Variants in AGBL1 observed in about 807,000 individuals in gnomAD.
AGBL1 encodes the protein AGBL carboxypeptidase 1, also known as cytosolic carboxypeptidase 4.
Under a neutral mutation model 118.9 loss-of-function variants are expected in AGBL1, and 130 were observed. The ratio of observed to expected loss-of-function variants is 1.09; its 90% CI spans 0.95 to 1.26. AGBL1 has a LOEUF of 1.26. Ranked by LOEUF, AGBL1 falls within the 50% of genes most tolerant of loss-of-function variation. The pLI is 0.00. For missense variants in AGBL1, 1,584 were observed against 1,298.1 expected (o/e 1.22, Z -3.38); for synonymous variants, 555 against 478.9 (o/e 1.16, Z -2.08).
intron 24 of AGBL1, among the ~76,000 whole-genome samples, chr15:87,012,266 TAA>T (rs34208061): frequency 6.7e-6 from 1 of 149,088 alleles, no homozygotes; most frequent in Admixed American, 6.7e-5. Flanking sequence ...CAAGCTAGGT[TAA>T]AAAAAAAATC....
intron 18 of AGBL1, among the ~76,000 whole-genome samples, chr15:86,454,067 C>T (rs1317138086): frequency 2.0e-5 from 3 of 152,108 alleles, no homozygotes; most frequent in East Asian, 1.9e-4. Context: ...CTCTTCACTA[C>T]GTATGGAAGA....
intron 22 of AGBL1, among the ~76,000 whole-genome samples, chr15:86,885,918 T>C (rs2079963043): frequency 6.6e-6 from 1 of 152,208 alleles, no homozygotes; most frequent in Non-Finnish European, 1.5e-5. Flanking sequence ...TAAAGAATTC[T>C]TTTAGTCTGT....
intron 17 of AGBL1, among the ~76,000 whole-genome samples, chr15:86,325,648 G>A (rs191332030): frequency 7.2e-5 from 11 of 152,192 alleles, no homozygotes; most frequent in East Asian, 3.9e-4. Flanking sequence ...AATATCTGCC[G>A]GCACAGCCAT....
At chr15:86,390,659 G>GGTTTTTTTTTTT (rs1596055668) in intron 17 of AGBL1, among the ~76,000 whole-genome samples, 1 of 82,048 alleles carries the variant, frequency 1.2e-5, no homozygotes, top group Non-Finnish European at 2.2e-5. Context: ...TATACTGTAT[G>GGTTTTTTTTTTT]ATTTTTTTTT....
intron 24 of AGBL1, among the ~76,000 whole-genome samples, chr15:87,027,487 GATGTATTATGCATTATATA>G (rs2081743104): frequency 1.5e-5 from 2 of 135,864 alleles, no homozygotes; most frequent in African/African-American, 5.7e-5. Context: ...ACATTATATA[GATGTATTATGCATTATATA>G]ATACATTATA....
chr15:86,413,667 T>A (rs890793057), intron 18 of AGBL1, among the ~76,000 whole-genome samples: 1 of 152,198 alleles, frequency 6.6e-6, no homozygotes, highest in Non-Finnish European at 1.5e-5. Context: ...CATTTGTATA[T>A]CTTCTTTTGA....
At chr15:86,505,716 C>T (rs1158423675) in intron 18 of AGBL1, among the ~76,000 whole-genome samples, 2 of 151,642 alleles carry the variant, frequency 1.3e-5, no homozygotes, top group South Asian at 2.1e-4. Context: ...TTTTTAGTTC[C>T]TTAAACATAT....
chr15:86,363,216 G>A (rs564018139), intron 17 of AGBL1, among the ~76,000 whole-genome samples: 4 of 152,144 alleles, frequency 2.6e-5, no homozygotes, highest in Non-Finnish European at 4.4e-5. Flanking sequence ...TTTTGTCTGC[G>A]GGGAATGATT....
At chr15:86,350,231 T>C (rs1845580582) in intron 17 of AGBL1, among the ~76,000 whole-genome samples, 1 of 152,216 alleles carries the variant, frequency 6.6e-6, no homozygotes, top group Non-Finnish European at 1.5e-5. Context: ...AGGTGGCAAT[T>C]GCTATTCTCA....
At chr15:86,445,963 C>T (rs1286220394) in intron 18 of AGBL1, among the ~76,000 whole-genome samples, 2 of 152,116 alleles carry the variant, frequency 1.3e-5, no homozygotes, top group African/African-American at 2.4e-5. Flanking sequence ...ATCTGTTATC[C>T]ATCATGTCGG....
chr15:86,587,661 A>T (rs1423472236), intron 21 of AGBL1, among the ~76,000 whole-genome samples: 3 of 152,232 alleles, frequency 2.0e-5, no homozygotes, highest in Admixed American at 1.3e-4. Flanking sequence ...ACCTTTTAGT[A>T]TATATTTTCT....
chr15:86,080,291 A>G (rs888836755), intron 1 of AGBL1: 5 of 321,450 alleles, frequency 1.6e-5, no homozygotes, highest in Admixed American at 9.9e-5. Context: ...CGAGTTTTCT[A>G]GAAATGGGAA....
Position 86,952,301 on chromosome 15 carries a change from T to C in AGBL1, c.3222-35686T>C, listed in dbSNP as rs529998597. 5.9e-5 allele frequency among the ~76,000 whole-genome samples: 9 copies of C among 152,292 alleles called. No individual in the cohort carries two copies. The South Asian group carries it at 1.2e-3, about 21-fold the overall frequency. On this transcript the variant is annotated intron_variant, in intron 23 of 24. Coordinates refer to the AGBL1 transcript ENST00000441037. ...TGTTAGTAGCATACAAATTATTTCA[T>C]TGTTTGATTACTTTACTTTTCATCT...
chr15:86,414,313 C>G (rs919592326), intron 18 of AGBL1, among the ~76,000 whole-genome samples: 1 of 152,056 alleles, frequency 6.6e-6, no homozygotes, highest in African/African-American at 2.4e-5. Flanking sequence ...CACTTGTACC[C>G]CTTAAATTTA....
At chr15:86,852,095 A>G (rs1178494522) in intron 22 of AGBL1, among the ~76,000 whole-genome samples, 1 of 152,094 alleles carries the variant, frequency 6.6e-6, no homozygotes. Context: ...ATACTACCCG[A>G]CACTGAGTAA....
chr15:86,930,085 G>C (rs1171367872), intron 23 of AGBL1, among the ~76,000 whole-genome samples: 1 of 151,726 alleles, frequency 6.6e-6, no homozygotes, highest in Non-Finnish European at 1.5e-5. Context: ...TCTTCCCCCA[G>C]ATACTACTTA....
chr15:86,118,363 TC>T (rs1395947429), intron 1 of AGBL1, among the ~76,000 whole-genome samples: 1 of 152,044 alleles, frequency 6.6e-6, no homozygotes, highest in Non-Finnish European at 1.5e-5. Context: ...AAGACACGTC[TC>T]CCCTCTGTTT....
chr15:86,902,409 A>T (rs954361507), intron 22 of AGBL1, among the ~76,000 whole-genome samples: 1 of 152,188 alleles, frequency 6.6e-6, no homozygotes, highest in African/African-American at 2.4e-5. Flanking sequence ...AAAACACCAC[A>T]CAATTTTATA....
chr15:86,292,068 G>T (rs1183519162), intron 16 of AGBL1, among the ~76,000 whole-genome samples: 1 of 152,144 alleles, frequency 6.6e-6, no homozygotes, highest in Non-Finnish European at 1.5e-5. Context: ...ATGTTGGCAT[G>T]GTAGGCAGAA....
Sources: gnomAD v4.1 joint callset for allele counts (sites outside exome capture counted in the v4.1 genomes callset) on GRCh38, gnomAD v4.1.1 for gene constraint, MANE v1.5 for transcripts, NCBI Gene and HGNC (gene_info 2026-07-23, HGNC 2026-07-21) for gene names.